The following FBXW7 variants were observed in gnomAD, a reference collection of about 807,000 sequenced individuals.
FBXW7 encodes F-box and WD repeat domain containing 7.
A neutral mutation model predicts 86.3 loss-of-function variants in FBXW7; 11 were observed. The ratio of observed to expected loss-of-function variants is 0.13; its 90% CI spans 0.08 to 0.21. The LOEUF (loss-of-function observed/expected upper bound fraction) is 0.21. Among genes scored for constraint, FBXW7 ranks in the 10% least tolerant of loss-of-function variants. The pLI is 1.00. For missense variants in FBXW7, 488 were observed against 847.4 expected, an observed-to-expected ratio of 0.58 and a Z score of 5.27; for synonymous variants, 313 against 297.9, an observed-to-expected ratio of 1.05 and a Z score of -0.52.
At chr4:152,382,466 C>A in intron 4 of FBXW7, 4 of 1,218,826 alleles carry the variant, frequency 3.3e-6, no homozygotes, top group Non-Finnish European at 4.1e-6. Context: ...CCAAGGCCTG[C>A]TGCTTTTGTC....
intron 2 of FBXW7, among the ~76,000 whole-genome samples, chr4:152,465,386 T>G (rs1196514349): frequency 2.0e-5 from 3 of 152,206 alleles, no homozygotes; most frequent in Non-Finnish European, 4.4e-5. Flanking sequence ...AATTACCACA[T>G]TTGATATAAA....
At chr4:152,330,679 T>C (rs2126532888) in intron 9 of FBXW7, 53 bp downstream of exon 9, 2 of 1,503,964 alleles carry the variant, frequency 1.3e-6, no homozygotes, top group South Asian at 2.7e-5. Context: ...AATAGTACAC[T>C]AGGTACTAAC....
chr4:152,368,068 G>A (rs1253490047), intron 4 of FBXW7, among the ~76,000 whole-genome samples: 1 of 151,878 alleles, frequency 6.6e-6, no homozygotes, highest in African/African-American at 2.4e-5. Context: ...ACTGACCTTA[G>A]GACTTTCTCA....
At chr4:152,513,081 C>T (rs961918546) in intron 2 of FBXW7, among the ~76,000 whole-genome samples, 10 of 152,232 alleles carry the variant, frequency 6.6e-5, no homozygotes, top group African/African-American at 2.4e-4. Flanking sequence ...AGGCTGGTCT[C>T]GAACCCTTGA....
At chr4:152,471,120 A>G (rs775870065) in intron 2 of FBXW7, among the ~76,000 whole-genome samples, 70 of 152,024 alleles carry the variant, frequency 4.6e-4, no homozygotes, top group Non-Finnish European at 6.2e-4. Flanking sequence ...TAGATTTTCT[A>G]TGACTACTAC....
intron 10 of FBXW7, 41 bp downstream of exon 10, chr4:152,329,631 C>A: frequency 9.3e-7 from 1 of 1,077,062 alleles, no homozygotes; most frequent in South Asian, 1.7e-5. Context: ...ATGATATACA[C>A]AAAATTATGA....
chr4:152,416,176 C>T (rs904121816), intron 2 of FBXW7, among the ~76,000 whole-genome samples: 9 of 152,294 alleles, frequency 5.9e-5, no homozygotes, highest in Admixed American at 3.3e-4. Flanking sequence ...GCACTCAAAA[C>T]ATTTACTGAG....
At position 152,411,607 on chromosome 4, in the gene FBXW7, G is replaced by A. The variant is rs767051728; in HGVS notation, c.197C>T (p.Pro66Leu). The A allele has an allele frequency of 6.2e-7, 1 of 1,613,908 alleles. No homozygotes were observed. Among genetic ancestry groups the A allele is most frequent in the Non-Finnish European group, 8.5e-7 (1 of 1,179,896 alleles). ...TTGCTGGGAATCATTTTGGCCTCCA[G>A]GTCTAGGTTCTACTCCAACAACTTC... Reference protein sequence around the residue: ...NGEVVGVEPRPGGQNDSQQGQ... With the variant: ...NGEVVGVEPRLGGQNDSQQGQ... The change falls in exon 4 of 14, where the codon CCT becomes CTT. Residue 66 changes from proline to leucine, a missense_variant. Physicochemically the swap from Pro to Leu is moderately conservative, Grantham distance 98 (BLOSUM62 -3). This residue lies in a region of FBXW7 where 230 missense variants were observed against 240.0 expected (regional missense o/e 0.96). Transcript: ENST00000281708.
At chr4:152,508,470 T>C (rs1248691880) in intron 2 of FBXW7, among the ~76,000 whole-genome samples, 1 of 151,980 alleles carries the variant, frequency 6.6e-6, no homozygotes, top group Non-Finnish European at 1.5e-5. Flanking sequence ...ACAGGATGGC[T>C]TGAGTCCAGG....
intron 6 of FBXW7, among the ~76,000 whole-genome samples, chr4:152,346,267 C>T (rs1169127676): frequency 1.3e-5 from 2 of 152,076 alleles, no homozygotes; most frequent in Admixed American, 1.3e-4. Flanking sequence ...ACAAGCATGG[C>T]ACTGAAGAAA....
intron 2 of FBXW7, among the ~76,000 whole-genome samples, chr4:152,507,636 G>C (rs1211565216): frequency 6.6e-6 from 1 of 152,186 alleles, no homozygotes; most frequent in African/African-American, 2.4e-5. Flanking sequence ...TGGGGGCAGG[G>C]GGAATGGAAG....
chr4:152,335,976 T>C (rs140432794), intron 7 of FBXW7, among the ~76,000 whole-genome samples: 2 of 152,248 alleles, frequency 1.3e-5, no homozygotes, highest in African/African-American at 4.8e-5. Context: ...GTAAATAGTT[T>C]TGAGATATGG....
chr4:152,378,113 A>G (rs891566126), intron 4 of FBXW7, among the ~76,000 whole-genome samples: 1 of 152,222 alleles, frequency 6.6e-6, no homozygotes, highest in Admixed American at 6.5e-5. Flanking sequence ...CGGTCCACAA[A>G]GCCTAAAATA....
At chr4:152,477,843 T>C (rs1038965347) in intron 2 of FBXW7, among the ~76,000 whole-genome samples, 3 of 152,118 alleles carry the variant, frequency 2.0e-5, no homozygotes, top group Non-Finnish European at 4.4e-5. Flanking sequence ...ACTCTGTATA[T>C]CTTAATGTGA....
At chr4:152,465,318 C>T (rs1579277569) in intron 2 of FBXW7, among the ~76,000 whole-genome samples, 2 of 152,132 alleles carry the variant, frequency 1.3e-5, no homozygotes, top group East Asian at 1.9e-4. Context: ...AGGAAAGAAT[C>T]GGATATAAAA....
chr4:152,508,516 C>T (rs1053338298), intron 2 of FBXW7, among the ~76,000 whole-genome samples: 2 of 151,894 alleles, frequency 1.3e-5, no homozygotes, highest in Non-Finnish European at 2.9e-5. Flanking sequence ...GATGAAACCT[C>T]GCCTCTACAA....
At chr4:152,462,967 G>A (rs1579271156) in intron 2 of FBXW7, among the ~76,000 whole-genome samples, 1 of 126,436 alleles carries the variant, frequency 7.9e-6, no homozygotes, top group African/African-American at 3.0e-5. Flanking sequence ...GTAATTTCTT[G>A]TCTGGTATAT....
chr4:152,392,952 T>C (rs898717971), intron 4 of FBXW7, among the ~76,000 whole-genome samples: 3 of 152,212 alleles, frequency 2.0e-5, no homozygotes, highest in Non-Finnish European at 4.4e-5. Context: ...TTTGATGTTA[T>C]GACCAAGAAA....
At chr4:152,330,994 T>C (rs145732477) in intron 8 of FBXW7, 126 bp from the exon 9 acceptor site, 6 of 876,982 alleles carry the variant, frequency 6.8e-6, no homozygotes, top group African/African-American at 1.7e-5. Context: ...ATGCAAGACA[T>C]TGTCAAATTT....
Sources: gnomAD v4.1 joint callset for allele counts (sites outside exome capture counted in the v4.1 genomes callset) on GRCh38, gnomAD v4.1.1 for gene constraint, gnomAD v4.1.1 regional missense constraint, MANE v1.5 for transcripts, NCBI Gene and HGNC (gene_info 2026-07-23, HGNC 2026-07-21) for gene names.